The following SH2D4B variants were observed in gnomAD, a reference collection of about 807,000 sequenced individuals.
The protein encoded by SH2D4B is SH2 domain containing 4B, also known as SH2 domain-containing protein 4B.
Under a neutral mutation model 61.5 loss-of-function variants are expected in SH2D4B, and 45 were observed. The ratio of observed to expected loss-of-function variants is 0.73; its 90% CI spans 0.58 to 0.94. SH2D4B has a LOEUF of 0.94. Ranked by LOEUF, SH2D4B falls within the 40% of genes least tolerant of loss-of-function variation. The pLI is 0.00. For synonymous variants in SH2D4B, 224 were observed against 220.4 expected (o/e 1.02, Z -0.14); for missense variants, 572 against 574.2 (o/e 1.00, Z 0.04).
intron 6 of SH2D4B, among the ~76,000 whole-genome samples, chr10:80,628,392 T>A (rs1842788263): frequency 6.6e-6 from 1 of 152,166 alleles, no homozygotes; most frequent in Admixed American, 6.5e-5. Context: ...CCTGCTGCCA[T>A]CCACGTAAGA....
At chr10:80,612,198 T>TTTTTTTTTTTTTTTTTTTTTC (rs59848195) in intron 6 of SH2D4B, among the ~76,000 whole-genome samples, 4 of 125,206 alleles carry the variant, frequency 3.2e-5, no homozygotes, top group South Asian at 2.3e-4. Flanking sequence ...TTTTTTTTTT[T>TTTTTTTTTTTTTTTTTTTTTC]CAACTTTACT....
intron 3 of SH2D4B, among the ~76,000 whole-genome samples, chr10:80,587,205 G>A (rs1024392294): frequency 2.2e-5 from 3 of 137,026 alleles, no homozygotes; most frequent in Non-Finnish European, 3.0e-5. Context: ...GCGCGATCTC[G>A]GCTCACTGCA....
Position 80,538,371 on chromosome 10 carries a change from G to A in SH2D4B, c.40G>A (p.Glu14Lys), listed in dbSNP as rs1408685928. 3 of 1,404,580 alleles carry A rather than the reference G, an allele frequency of 2.1e-6. No homozygotes were observed. Among genetic ancestry groups the A allele is most frequent in the South Asian group, 3.3e-5 (2 of 60,524 alleles). The allele number at this position is 1,404,580 out of a possible 1,614,324, so 87.0% of individuals were successfully genotyped here. A position where few individuals can be genotyped will look rare whatever the true frequency, so the allele number is the denominator to read the frequency against. Reference protein sequence around the residue: ...QILHDMYIDPELLAELSDVQK... With the variant: ...QILHDMYIDPKLLAELSDVQK... Reference sequence around the variant, plus strand: ...CCTGCACGACATGTACATCGACCCCGAGCTCCTTGCCGAGCTCAGCGATGT... The same window carrying A: ...CCTGCACGACATGTACATCGACCCCAAGCTCCTTGCCGAGCTCAGCGATGT... Residue 14 changes from glutamate to lysine, a missense_variant, in exon 1 of 8, where the codon GAG (glutamate) becomes AAG (lysine). Physicochemically the swap from Glu to Lys is moderately conservative, Grantham distance 56 (BLOSUM62 1). Coordinates refer to ENST00000646907, the MANE Select transcript of SH2D4B (RefSeq NM_001388272.1). The surrounding 1 kb of genome is among the most constrained non-coding windows in gnomAD (Gnocchi z 4.8).
intron 6 of SH2D4B, among the ~76,000 whole-genome samples, chr10:80,618,350 C>T (rs76786269): frequency 0.023 from 3,471 of 152,304 alleles, 147 homozygotes; most frequent in African/African-American, 0.08. Context: ...TGATTAGAAC[C>T]TGGCAGGTCA....
rs192928077 is a variant in SH2D4B, at chr10:80,643,230, G to A, written c.1210-763G>A. Among the ~76,000 whole-genome samples the A allele has an allele frequency of 4.0e-5, 6 of 149,886 alleles. No individual in the cohort carries two copies. In the East Asian group the frequency reaches 1.2e-3, roughly 29 times the overall value. On this transcript the variant is annotated intron_variant, in intron 7 of 7. Transcript: ENST00000646907. Reference sequence around the variant, plus strand: ...AAATGGTCATGCTTTTGGTTTCCAGGTTCTTTAAGTGGTTCTTTTTTTTTT... The same window carrying A: ...AAATGGTCATGCTTTTGGTTTCCAGATTCTTTAAGTGGTTCTTTTTTTTTT...
intron 4 of SH2D4B, among the ~76,000 whole-genome samples, chr10:80,594,172 G>A (rs1411803024): frequency 6.6e-6 from 1 of 152,142 alleles, no homozygotes; most frequent in Non-Finnish European, 1.5e-5. Context: ...TGCTTTCTTA[G>A]ATTGTTGGGT....
intron 4 of SH2D4B, among the ~76,000 whole-genome samples, chr10:80,596,110 A>G (rs747839116): frequency 1.3e-5 from 2 of 152,188 alleles, no homozygotes; most frequent in Admixed American, 1.3e-4. Context: ...TTAAAATTAT[A>G]CAAATGCAAC....
At chr10:80,599,172 A>C (rs1250606883) in intron 4 of SH2D4B, among the ~76,000 whole-genome samples, 1 of 152,138 alleles carries the variant, frequency 6.6e-6, no homozygotes, top group African/African-American at 2.4e-5. Context: ...TGATACTAAA[A>C]TGCTGTAGGC....
chr10:80,543,342 C>T (rs1251739330), intron 1 of SH2D4B, among the ~76,000 whole-genome samples: 2 of 152,090 alleles, frequency 1.3e-5, no homozygotes, highest in Non-Finnish European at 2.9e-5. Context: ...GCACTCGGAG[C>T]GGCCGGCCAC....
At chr10:80,558,026 G>A (rs1033739709) in intron 1 of SH2D4B, among the ~76,000 whole-genome samples, 4 of 151,660 alleles carry the variant, frequency 2.6e-5, no homozygotes, top group African/African-American at 9.7e-5. Context: ...ATTTTTACAT[G>A]TTATTTAAAA....
In SH2D4B at chr10:80,571,282, C is replaced by G. The variant is rs913834333; in HGVS notation, c.348-149C>G. 7 of 806,566 alleles carry G rather than the reference C, an allele frequency of 8.7e-6. No individual in the cohort carries two copies. The South Asian group carries it at 1.1e-4, about 13-fold the overall frequency. The allele number at this position is 806,566 out of a possible 1,614,324, so 50.0% of individuals were successfully genotyped here. On this transcript the variant is annotated intron_variant, in intron 2 of 7. Coordinates refer to ENST00000646907, the MANE Select transcript of SH2D4B (RefSeq NM_001388272.1). ...AATTGTGCCGATTTACACTCCCATG[C>G]GTGAGAATGCCTATTTCTCCCTGTC...
intron 3 of SH2D4B, among the ~76,000 whole-genome samples, chr10:80,571,873 C>G (rs10881776): frequency 8.0e-5 from 12 of 150,774 alleles, no homozygotes; most frequent in Middle Eastern, 3.4e-3. Flanking sequence ...CCCGGGTTCA[C>G]GCCATTCTCC....
intron 5 of SH2D4B, among the ~76,000 whole-genome samples, chr10:80,606,709 T>G (rs956789132): frequency 6.6e-6 from 1 of 152,156 alleles, no homozygotes; most frequent in Non-Finnish European, 1.5e-5. Context: ...TTCCTGAAAA[T>G]TTAACAGTCA....
chr10:80,607,595 T>C (rs1309382689), intron 5 of SH2D4B: 1 of 152,268 alleles, frequency 6.6e-6, no homozygotes, highest in Admixed American at 6.5e-5. Flanking sequence ...CATGTGCATG[T>C]GTGAATGTAT....
chr10:80,577,584 G>T (rs1173737764), intron 3 of SH2D4B, among the ~76,000 whole-genome samples: 1 of 152,050 alleles, frequency 6.6e-6, no homozygotes, highest in Admixed American at 6.5e-5. Context: ...CTGCCACCAC[G>T]CCCGGCTAAT....
At chr10:80,579,547 C>CG (rs1405942968) in intron 3 of SH2D4B, among the ~76,000 whole-genome samples, 1 of 152,064 alleles carries the variant, frequency 6.6e-6, no homozygotes, top group Non-Finnish European at 1.5e-5. Flanking sequence ...TCTTCCACCC[C>CG]GGGGTCCTGT....
At chr10:80,586,221 T>C (rs6586090) in intron 3 of SH2D4B, among the ~76,000 whole-genome samples, 56,126 of 151,904 alleles carry the variant, frequency 0.37, 12,105 homozygotes, top group African/African-American at 0.6. Context: ...CTCCATGCCG[T>C]CCAGTCCCAT....
chr10:80,579,409 G>A (rs1564773733), intron 3 of SH2D4B, among the ~76,000 whole-genome samples: 2 of 152,140 alleles, frequency 1.3e-5, no homozygotes, highest in Non-Finnish European at 2.9e-5. Flanking sequence ...TAGAAAAAAG[G>A]AGATCCTGAG....
chr10:80,564,512 GTCC>G, intron 1 of SH2D4B, among the ~76,000 whole-genome samples: 1 of 152,090 alleles, frequency 6.6e-6, no homozygotes, highest in Admixed American at 6.5e-5. Context: ...TCTCCTTTGG[GTCC>G]TCCTCCTCTT....
Sources: allele counts gnomAD v4.1 joint callset (sites outside exome capture counted in the v4.1 genomes callset), GRCh38; gene constraint gnomAD v4.1.1; non-coding constraint Gnocchi (gnomAD v3.1); transcripts MANE v1.5; gene names NCBI Gene and HGNC (gene_info 2026-07-23, HGNC 2026-07-21).